DHRS12: variants seen among roughly 807,000 people sequenced by gnomAD.
DHRS12 encodes dehydrogenase/reductase 12.
A neutral mutation model predicts 32.1 loss-of-function variants in DHRS12; 29 were observed. That is an observed-to-expected ratio of 0.90 (90% confidence interval 0.67 to 1.23). The LOEUF (loss-of-function observed/expected upper bound fraction) is 1.23. Among genes scored for constraint, DHRS12 ranks in the 50% most tolerant of loss-of-function variants. The probability of loss-of-function intolerance (pLI) is 0.00; values close to 1 mark genes in which losing one functional copy is unlikely to be tolerated. For missense variants in DHRS12, 330 were observed against 337.2 expected (o/e 0.98, Z 0.17); for synonymous variants, 150 against 135.9 (o/e 1.10, Z -0.72).
At chr13:51,784,528 CAGG>C (rs1443131892) in intron 4 of DHRS12, among the ~76,000 whole-genome samples, 6 of 152,078 alleles carry the variant, frequency 3.9e-5, no homozygotes, top group African/African-American at 1.4e-4. Context: ...ACTTTAATTC[CAGG>C]TTAAGGAATC....
At chr13:51,794,150 A>G (rs1486773690) in intron 2 of DHRS12, among the ~76,000 whole-genome samples, 1 of 152,184 alleles carries the variant, frequency 6.6e-6, no homozygotes, top group Non-Finnish European at 1.5e-5. Flanking sequence ...AAAAGTCCCA[A>G]TCTGCGGAGC....
At chr13:51,766,182 T>C (rs968287772), downstream of DHRS12, 1 of 152,276 alleles carries the variant, frequency 6.6e-6, no homozygotes, top group Admixed American at 6.5e-5. Flanking sequence ...TTACACCATT[T>C]GCCTTGCTTT....
chr13:51,776,157 T>C, intron 5 of DHRS12: 1 of 105,048 alleles, frequency 9.5e-6, no homozygotes. Flanking sequence ...CTCCTACATG[T>C]ATTCTACAGT....
rs1394681755 is a variant in DHRS12, at chr13:51,787,914, T to A, written c.301+2097A>T. Among the ~76,000 whole-genome samples, 408 of 124,078 alleles carry A rather than the reference T, an allele frequency of 3.3e-3. 2 individuals are homozygous for A. The highest frequency in any genetic ancestry group is 5.4e-3 in the East Asian group (26 of 4,836). 81.4% of individuals were successfully genotyped at this position (124,078 alleles called of 152,430 possible). A position where few individuals can be genotyped will look rare whatever the true frequency, so the allele number is the denominator to read the frequency against. ...TATAAATATATATAAAAATATATAA[T>A]TATATATAATATATACTTATATATA... On this transcript the variant is annotated intron_variant, in intron 4 of 8. Transcript: ENST00000444610.
chr13:51,802,218 C>CACACACACACA (rs746047641), intron 1 of DHRS12, among the ~76,000 whole-genome samples: 4 of 99,684 alleles, frequency 4.0e-5, no homozygotes, highest in African/African-American at 8.9e-5. Context: ...CACACACACA[C>CACACACACACA]GACTTTCCCA....
chr13:51,797,348 T>C (rs750150970), intron 2 of DHRS12, among the ~76,000 whole-genome samples: 2 of 152,226 alleles, frequency 1.3e-5, no homozygotes, highest in Non-Finnish European at 2.9e-5. Context: ...TGGTTCCAGC[T>C]CTTTCAGAAC....
At chr13:51,758,153 C>T in the DHRS12 span, 2 of 1,492,068 alleles carry the variant, frequency 1.3e-6, no homozygotes, top group South Asian at 2.6e-5. Context: ...TCATATGTCA[C>T]CACCTTTTCC....
chr13:51,789,756 T>C, intron 4 of DHRS12: 1 of 985,414 alleles, frequency 1.0e-6, no homozygotes, highest in Non-Finnish European at 1.2e-6. Flanking sequence ...ACAATGTCTA[T>C]AAACAGCCTA....
At position 51,769,145 on chromosome 13, in the gene DHRS12, G is replaced by A; in HGVS notation, c.697+11C>T. 1 of 1,549,002 alleles carries A rather than the reference G, an allele frequency of 6.5e-7. No homozygotes were observed. Among genetic ancestry groups the A allele is most frequent in the Non-Finnish European group, 8.7e-7 (1 of 1,147,002 alleles). The stretch of plus-strand genomic sequence containing the variant: ...TGTGTCAGCTGCCTTCACAGCCAGG[G>A]AGGAAGTCACCTTGAAAGAAGCGGC... On this transcript the variant is annotated intron_variant, in intron 8 of 8. Coordinates refer to ENST00000444610, the MANE Select transcript of DHRS12 (RefSeq NM_001377533.1).
chr13:51,776,655 C>G (rs1051319036), intron 5 of DHRS12: 1 of 208,960 alleles, frequency 4.8e-6, no homozygotes, highest in Non-Finnish European at 1.0e-5. Flanking sequence ...CTTCTTCCTG[C>G]TTTCTCCAAT....
Position 51,804,100 on chromosome 13 carries a change from A to G in DHRS12, c.-55T>C, listed in dbSNP as rs989060336. On this transcript the variant is annotated 5_prime_UTR_variant, in exon 1 of 9. Coordinates refer to ENST00000444610, the MANE Select transcript of DHRS12 (RefSeq NM_001377533.1). ...TTGGCGAACCACACGACGCTGCGGT[A>G]CAGGGACATGCCGGGAGCGCCCCAC... 5.4e-6 allele frequency: 8 copies of G among 1,490,698 alleles called. No individual in the cohort carries two copies. Among genetic ancestry groups the G allele is most frequent in the East Asian group, 2.9e-5 (1 of 34,896 alleles). The allele number at this position is 1,490,698 out of a possible 1,614,324, so 92.3% of individuals were successfully genotyped here. A position where few individuals can be genotyped will look rare whatever the true frequency, so the allele number is the denominator to read the frequency against.
chr13:51,758,275 C>G, the DHRS12 span: 1 of 1,597,064 alleles, frequency 6.3e-7, no homozygotes, highest in Non-Finnish European at 8.6e-7. Context: ...TGGTTACTGA[C>G]TTCTGGAACT....
chr13:51,757,664 T>C, the DHRS12 span, among the ~76,000 whole-genome samples: 1 of 150,892 alleles, frequency 6.6e-6, no homozygotes, highest in African/African-American at 2.4e-5. Context: ...AGGTAAAAAA[T>C]AATGATGTTT....
chr13:51,789,468 A>C, intron 4 of DHRS12: 2 of 848,094 alleles, frequency 2.4e-6, no homozygotes, highest in Non-Finnish European at 2.8e-6. Context: ...TGGGTGGGGA[A>C]TCTAAGAATG....
chr13:51,804,080 G>A lies in DHRS12; in HGVS notation c.-35C>T. The A allele has an allele frequency of 1.3e-6, 2 of 1,492,694 alleles. No homozygotes were observed. Among genetic ancestry groups the A allele is most frequent in the East Asian group, 2.9e-5 (1 of 35,064 alleles). 92.5% of individuals were successfully genotyped at this position (1,492,694 alleles called of 1,614,324 possible). A position where few individuals can be genotyped will look rare whatever the true frequency, so the allele number is the denominator to read the frequency against. ...TGGTGTACTCGCGCAGCCCCTTGGC[G>A]AACCACACGACGCTGCGGTACAGGG... On this transcript the variant is annotated 5_prime_UTR_variant, in exon 1 of 9. Coordinates refer to ENST00000444610, the MANE Select transcript of DHRS12 (RefSeq NM_001377533.1).
intron 4 of DHRS12, among the ~76,000 whole-genome samples, chr13:51,783,044 G>A (rs4943025): frequency 0.31 from 46,640 of 151,884 alleles, 7,453 homozygotes; most frequent in East Asian, 0.5. Flanking sequence ...GGGGTGCACG[G>A]CGCGGCCCAG....
At chr13:51,756,878 T>A in the DHRS12 span, among the ~76,000 whole-genome samples, 1 of 152,200 alleles carries the variant, frequency 6.6e-6, no homozygotes, top group Admixed American at 6.5e-5. Context: ...GCTAAGTCGC[T>A]TTACCCAAGA....
intron 8 of DHRS12, chr13:51,768,791 C>T (rs969596745): frequency 2.4e-5 from 29 of 1,221,298 alleles, no homozygotes; most frequent in Non-Finnish European, 2.9e-5. Flanking sequence ...CCCTTACACC[C>T]TTTGCACTGC....
At chr13:51,779,017 A>G (rs1369894650) in intron 4 of DHRS12, among the ~76,000 whole-genome samples, 1 of 152,188 alleles carries the variant, frequency 6.6e-6, no homozygotes, top group Non-Finnish European at 1.5e-5. Flanking sequence ...CCAAAGTCCC[A>G]GCAAGTTCAT....
Sources: gnomAD v4.1 joint callset for allele counts (sites outside exome capture counted in the v4.1 genomes callset) on GRCh38, gnomAD v4.1.1 for gene constraint, MANE v1.5 for transcripts, NCBI Gene and HGNC (gene_info 2026-07-23, HGNC 2026-07-21) for gene names.